GPR149: variants seen among roughly 807,000 people sequenced by gnomAD.
The protein encoded by GPR149 is probable G protein-coupled receptor 149.
Under a neutral mutation model 50.2 loss-of-function variants are expected in GPR149, and 50 were observed. The ratio of observed to expected loss-of-function variants is 1.00; its 90% CI spans 0.79 to 1.26. GPR149 has a LOEUF of 1.26. Among genes scored for constraint, GPR149 ranks in the 50% most tolerant of loss-of-function variants. The probability of loss-of-function intolerance (pLI) is 0.00; values close to 1 mark genes in which losing one functional copy is unlikely to be tolerated. For synonymous variants in GPR149, 405 were observed against 358.2 expected, an observed-to-expected ratio of 1.13 and a Z score of -1.48; for missense variants, 983 against 895.4, an observed-to-expected ratio of 1.10 and a Z score of -1.25.
At chr3:154,355,906 G>A (rs1714211692) in intron 3 of GPR149, among the ~76,000 whole-genome samples, 1 of 152,250 alleles carries the variant, frequency 6.6e-6, no homozygotes, top group Admixed American at 6.5e-5. Flanking sequence ...TCCAGAAAAG[G>A]TGTTAAAGTT....
chr3:154,428,614 T>C, intron 1 of GPR149, 21 bp downstream of exon 1: 1 of 1,601,168 alleles, frequency 6.2e-7, no homozygotes, highest in Admixed American at 1.7e-5. Context: ...ACTCGCGCTT[T>C]GTGAGCAACT....
At chr3:154,413,942 G>GTA (rs3038651) in intron 3 of GPR149, among the ~76,000 whole-genome samples, 74,785 of 147,750 alleles carry the variant, frequency 0.51, 18,879 homozygotes, top group Middle Eastern at 0.62. Context: ...AGAAATTGTA[G>GTA]TATATATATA....
At chr3:154,373,413 C>G (rs539736291) in intron 3 of GPR149, among the ~76,000 whole-genome samples, 14 of 152,314 alleles carry the variant, frequency 9.2e-5, no homozygotes, top group African/African-American at 2.9e-4. Flanking sequence ...CATACTGGGA[C>G]AGTGGCTGAT....
At chr3:154,340,238 C>T (rs1713760159) in intron 3 of GPR149, among the ~76,000 whole-genome samples, 1 of 152,154 alleles carries the variant, frequency 6.6e-6, no homozygotes, top group Non-Finnish European at 1.5e-5. Context: ...AACTGTAGAG[C>T]CTTGCACGAT....
rs1051266657 is a variant in GPR149 at position 154,429,982 on chromosome 3, G to T, written c.-367C>A. ...ACCAATGATGTCTGGATCCTTTGGG[G>T]TCCTTCTTATGGAGCAAAGCAGCTT... On this transcript the variant is annotated 5_prime_UTR_variant, in exon 1 of 4. Transcript: ENST00000389740. Among the ~76,000 whole-genome samples, 1 of 152,070 alleles carries T rather than the reference G, an allele frequency of 6.6e-6. No homozygotes were observed. Among genetic ancestry groups the T allele is most frequent in the Admixed American group, 6.6e-5 (1 of 15,264 alleles).
Position 154,429,591 on chromosome 3 carries a change from A to T in GPR149, c.25T>A (p.Ser9Thr), listed in dbSNP as rs202078143. The change falls in exon 1 of 4, where the codon TCA (serine) becomes ACA (threonine). Residue 9 changes from serine (S) to threonine (T), a missense_variant. Physicochemically the swap from Ser to Thr is moderately conservative, Grantham distance 58 (BLOSUM62 1). Transcript: ENST00000389740. MSLFLSNL[S>T]TNDSSLWKEN... The stretch of plus-strand genomic sequence containing the variant: ...TTCCACAGGCTAGAGTCATTTGTTG[A>T]TAAGTTACTGAGAAATAAAGACATT... 6.2e-7 allele frequency: 1 copy of T among 1,613,016 alleles called. No individual in the cohort carries two copies. The highest frequency in any genetic ancestry group is 1.1e-5 in the South Asian group (1 of 91,054).
chr3:154,338,135 T>C lies in GPR149; in HGVS notation c.1760A>G (p.Lys587Arg). 6.2e-7 allele frequency: 1 copy of C among 1,614,186 alleles called. No homozygotes were observed. Among genetic ancestry groups the C allele is most frequent in the Non-Finnish European group, 8.5e-7 (1 of 1,180,016 alleles). ...AEGQKITPAS[K>R]KIEVYRSKSV... ...TTTGGATCGATAGACTTCTATTTTC[T>C]TAGAGGCTGGAGTTATTTTTTGCCC... Residue 587 changes from lysine to arginine, a missense_variant, in exon 4 of 4, where the codon AAG becomes AGG. Physicochemically the swap from Lys to Arg is conservative, Grantham distance 26. Coordinates refer to ENST00000389740, the MANE Select transcript of GPR149 (RefSeq NM_001038705.3).
chr3:154,377,248 T>A lies in GPR149; in HGVS notation c.1624-38977A>T, dbSNP rs371665102. 1.5e-4 allele frequency among the ~76,000 whole-genome samples: 22 copies of A among 151,354 alleles called. No homozygotes were observed. In the East Asian group the frequency reaches 4.3e-3, roughly 29 times the overall value. On this transcript the variant is annotated intron_variant, in intron 3 of 3. Transcript: ENST00000389740. ...AACAAGAATATTAAATAAAAGGGAT[T>A]TTAGGCAAAGGATGTTTTGTCCTTA...
intron 3 of GPR149, among the ~76,000 whole-genome samples, chr3:154,377,764 AATT>A (rs1342558551): frequency 5.3e-5 from 8 of 152,118 alleles, no homozygotes; most frequent in African/African-American, 1.4e-4. Context: ...ATATTTAGTA[AATT>A]TATAGAGTTG....
intron 3 of GPR149, among the ~76,000 whole-genome samples, chr3:154,340,962 T>C (rs147377100): frequency 2.3e-3 from 355 of 152,086 alleles, no homozygotes; most frequent in African/African-American, 8.1e-3. Context: ...CCTCATGAAC[T>C]CCCTGCCTCG....
chr3:154,372,370 C>G (rs1026916371), intron 3 of GPR149, among the ~76,000 whole-genome samples: 1 of 152,160 alleles, frequency 6.6e-6, no homozygotes, highest in South Asian at 2.1e-4. Context: ...CTCCCTCTCT[C>G]CCTTCCGCCC....
intron 3 of GPR149, among the ~76,000 whole-genome samples, chr3:154,413,796 C>G (rs555160940): frequency 6.6e-6 from 1 of 151,926 alleles, no homozygotes; most frequent in Admixed American, 6.6e-5. Context: ...AGCAATCTCA[C>G]TAGAAGGTAT....
At chr3:154,384,156 T>C (rs1345637297) in intron 3 of GPR149, among the ~76,000 whole-genome samples, 1 of 152,118 alleles carries the variant, frequency 6.6e-6, no homozygotes, top group African/African-American at 2.4e-5. Context: ...TGCTGAAACT[T>C]AAAGGACATT....
chr3:154,429,250 C>G lies in GPR149; in HGVS notation c.366G>C (p.Lys122Asn). ...YLCQGLSSNLKATLLVSYNFY... is the reference protein window; with the variant it reads ...YLCQGLSSNLNATLLVSYNFY... ...AGTTGTAAGAGACTAGGAGAGTCGCCTTCAAGTTGCTAGAGAGGCCCTGGC... is the reference window on the plus strand; with the variant it reads ...AGTTGTAAGAGACTAGGAGAGTCGCGTTCAAGTTGCTAGAGAGGCCCTGGC... The change falls in exon 1 of 4, where the codon AAG becomes AAC. Residue 122 changes from lysine (K) to asparagine (N), a missense_variant. By Grantham distance (94) the Lys-to-Asn change is moderately conservative (BLOSUM62 0). Coordinates refer to ENST00000389740, the MANE Select transcript of GPR149 (RefSeq NM_001038705.3). 1 of 1,614,178 alleles carries G rather than the reference C, an allele frequency of 6.2e-7. No individual in the cohort carries two copies. The highest frequency in any genetic ancestry group is 8.5e-7 in the Non-Finnish European group (1 of 1,180,034).
chr3:154,371,322 C>G (rs978102152), intron 3 of GPR149, among the ~76,000 whole-genome samples: 3 of 152,154 alleles, frequency 2.0e-5, no homozygotes, highest in African/African-American at 7.2e-5. Flanking sequence ...GCCTAAATGG[C>G]ACTCTGAAAG....
At chr3:154,362,054 A>G (rs992906628) in intron 3 of GPR149, among the ~76,000 whole-genome samples, 3 of 152,090 alleles carry the variant, frequency 2.0e-5, no homozygotes, top group African/African-American at 7.2e-5. Context: ...AATATCCTAA[A>G]AAAGACAGGT....
intron 3 of GPR149, among the ~76,000 whole-genome samples, chr3:154,408,831 C>T (rs1226390886): frequency 6.6e-6 from 1 of 152,212 alleles, no homozygotes; most frequent in Non-Finnish European, 1.5e-5. Context: ...AATACTTAAC[C>T]AGGTGTCCCT....
chr3:154,390,910 A>G (rs1314604913), intron 3 of GPR149, among the ~76,000 whole-genome samples: 1 of 152,130 alleles, frequency 6.6e-6, no homozygotes, highest in Non-Finnish European at 1.5e-5. Flanking sequence ...GGTAGATGAG[A>G]ATAAATTCAA....
chr3:154,378,244 G>A (rs1014700539), intron 3 of GPR149, among the ~76,000 whole-genome samples: 1 of 151,450 alleles, frequency 6.6e-6, no homozygotes, highest in East Asian at 1.9e-4. Flanking sequence ...CACCACACCT[G>A]GCTTATTATT....
Sources: gnomAD v4.1 joint callset for allele counts (sites outside exome capture counted in the v4.1 genomes callset) on GRCh38, gnomAD v4.1.1 for gene constraint, MANE v1.5 for transcripts, NCBI Gene and HGNC (gene_info 2026-07-23, HGNC 2026-07-21) for gene names.